Variants in LUZP2 observed in about 807,000 individuals in gnomAD.
The protein encoded by LUZP2 is leucine zipper protein 2.
In LUZP2, 52 loss-of-function variants were observed where a neutral mutation model predicts 51.6. The observed-to-expected ratio is 1.01, with a 90% CI of 0.81 to 1.27. LUZP2 has a LOEUF of 1.27. Among genes scored for constraint, LUZP2 ranks in the 50% most tolerant of loss-of-function variants. LUZP2 has a pLI of 0.00. For synonymous variants in LUZP2, 154 were observed against 137.3 expected (o/e 1.12, Z -0.85); for missense variants, 436 against 395.4 (o/e 1.10, Z -0.87).
chr11:24,685,025 CTGTG>C (rs5741709), intron 1 of LUZP2, among the ~76,000 whole-genome samples: 47,223 of 147,490 alleles, frequency 0.32, 7,670 homozygotes, highest in African/African-American at 0.41. Flanking sequence ...GTATTTTGCT[CTGTG>C]TGTGTGTGTG....
At chr11:24,503,835 GA>G (rs1247459411) in intron 1 of LUZP2, among the ~76,000 whole-genome samples, 20 of 152,086 alleles carry the variant, frequency 1.3e-4, no homozygotes, top group African/African-American at 4.3e-4. Flanking sequence ...TACCTATGAA[GA>G]ATCCAGAACT....
At chr11:24,941,661 G>A (rs753670694) in intron 7 of LUZP2, among the ~76,000 whole-genome samples, 5 of 152,072 alleles carry the variant, frequency 3.3e-5, no homozygotes, top group Non-Finnish European at 7.4e-5. Context: ...GTACTCTTAT[G>A]TTTTCATAGT....
chr11:24,851,004 C>T (rs1851378003), intron 5 of LUZP2, among the ~76,000 whole-genome samples: 1 of 152,122 alleles, frequency 6.6e-6, no homozygotes, highest in African/African-American at 2.4e-5. Context: ...AACTTAAGGA[C>T]ATTTTGGACT....
Position 24,642,911 on chromosome 11 carries a change from T to C in LUZP2, c.63-86258T>C, listed in dbSNP as rs189319024. Among the ~76,000 whole-genome samples the C allele has an allele frequency of 7.9e-5, 12 of 152,118 alleles. No homozygotes were observed. The East Asian group carries it at 1.7e-3, about 22-fold the overall frequency. On this transcript the variant is annotated intron_variant, in intron 1 of 11. Coordinates refer to ENST00000336930, the MANE Select transcript of LUZP2 (RefSeq NM_001009909.4). ...AGCTCAGGATGATCTGAGTGGGAGA[T>C]TGTTGCTAAACTGAATTAGCAGGAT...
At chr11:24,734,361 C>A (rs1025351634) in intron 3 of LUZP2, among the ~76,000 whole-genome samples, 4 of 68,736 alleles carry the variant, frequency 5.8e-5, no homozygotes, top group African/African-American at 2.6e-4. Context: ...AAAAACAACA[C>A]AAAAATCAGG....
At chr11:24,850,790 T>C (rs113350183) in intron 5 of LUZP2, among the ~76,000 whole-genome samples, 15 of 152,306 alleles carry the variant, frequency 9.8e-5, no homozygotes, top group African/African-American at 3.4e-4. Flanking sequence ...TCCTCTCTGA[T>C]TTCCTTGAGC....
At chr11:25,050,726 G>A (rs1320055466) in intron 10 of LUZP2, among the ~76,000 whole-genome samples, 2 of 152,026 alleles carry the variant, frequency 1.3e-5, no homozygotes, top group African/African-American at 2.4e-5. Context: ...TAAGCAAGGT[G>A]CTCATTCCCA....
At chr11:24,973,681 C>T (rs985474145) in intron 7 of LUZP2, among the ~76,000 whole-genome samples, 1 of 151,914 alleles carries the variant, frequency 6.6e-6, no homozygotes, top group African/African-American at 2.4e-5. Flanking sequence ...GTCTTAATTT[C>T]ATTATTTAGC....
rs1201286118 is a variant in LUZP2, at chr11:25,080,413, C to A, written c.*1755C>A. On this transcript the variant is annotated 3_prime_UTR_variant, in exon 12 of 12. Transcript: ENST00000336930. ...TTACAATGTTTTCAACCTTTGACTT[C>A]TTTATCTGTATGTAATCCTATTGTT... 4 of 152,004 alleles carry A rather than the reference C, an allele frequency of 2.6e-5. No individual in the cohort carries two copies. The highest frequency in any genetic ancestry group is 4.4e-5 in the Non-Finnish European group (3 of 67,996). The allele number at this position is 152,004 out of a possible 1,614,324, so 9.4% of individuals were successfully genotyped here. A position where few individuals can be genotyped will look rare whatever the true frequency, so the allele number is the denominator to read the frequency against.
chr11:24,589,348 T>C (rs1853183050), intron 1 of LUZP2, among the ~76,000 whole-genome samples: 2 of 152,174 alleles, frequency 1.3e-5, no homozygotes, highest in South Asian at 4.1e-4. Flanking sequence ...ATAAGTGATA[T>C]GATGTGTAGA....
At chr11:24,760,576 G>C (rs770172356) in intron 4 of LUZP2, among the ~76,000 whole-genome samples, 8 of 152,144 alleles carry the variant, frequency 5.3e-5, no homozygotes, top group Non-Finnish European at 1.0e-4. Flanking sequence ...TCTGTATTAT[G>C]TGTTCTTTTG....
intron 1 of LUZP2, among the ~76,000 whole-genome samples, chr11:24,591,131 T>C (rs1244185712): frequency 1.3e-5 from 2 of 152,080 alleles, no homozygotes; most frequent in Non-Finnish European, 2.9e-5. Flanking sequence ...AATAATAAAA[T>C]GTTTTTAAAA....
intron 1 of LUZP2, among the ~76,000 whole-genome samples, chr11:24,626,844 G>GA (rs1854702053): frequency 6.6e-6 from 1 of 151,978 alleles, no homozygotes; most frequent in Non-Finnish European, 1.5e-5. Flanking sequence ...TATAATGGCT[G>GA]AAAAAAATCA....
Position 25,062,587 on chromosome 11 carries a change from CAAAAA to C in LUZP2, c.858+12479_858+12483del, listed in dbSNP as rs1163708322. On this transcript the variant is annotated intron_variant, in intron 10 of 11. Coordinates refer to ENST00000336930, the MANE Select transcript of LUZP2 (RefSeq NM_001009909.4). ...CCTATGTGACAGAGCAAGACCCTGT[CAAAAA>C]AAAAAAAAAAAAAAAAAAAAAGAAA... Among the ~76,000 whole-genome samples the C allele has an allele frequency of 0.014, 590 of 43,048 alleles. 10 individuals carry two copies. In the East Asian group the frequency reaches 0.21, roughly 15 times the overall value. The allele number at this position is 43,048 out of a possible 152,430, so 28.2% of individuals were successfully genotyped here. A position where few individuals can be genotyped will look rare whatever the true frequency, so the allele number is the denominator to read the frequency against.
At chr11:24,922,778 A>G (rs7943243) in intron 7 of LUZP2, among the ~76,000 whole-genome samples, 12,334 of 142,818 alleles carry the variant, frequency 0.086, 1,684 homozygotes, top group African/African-American at 0.29. Context: ...CAGAGAAGTT[A>G]TAAGAGTTTT....
At chr11:24,778,541 A>G (rs377387620) in intron 5 of LUZP2, among the ~76,000 whole-genome samples, 4 of 152,328 alleles carry the variant, frequency 2.6e-5, no homozygotes, top group African/African-American at 4.8e-5. Context: ...AGATTTTTAC[A>G]TAAGGGGCTG....
intron 7 of LUZP2, among the ~76,000 whole-genome samples, chr11:24,915,238 A>G (rs1321072728): frequency 2.6e-5 from 4 of 152,126 alleles, no homozygotes; most frequent in Non-Finnish European, 4.4e-5. Flanking sequence ...AAGCATGACA[A>G]TGTTATGATT....
rs149076728 is a variant in LUZP2 at position 24,990,063 on chromosome 11, G to A, written c.765+6770G>A. ...TCTGATATTCGTCCATCAATATATG[G>A]GGTCTATGCCCCCTTTCTTACAATC... is the stretch of plus-strand genomic sequence containing the variant. On this transcript the variant is annotated intron_variant, in intron 9 of 11. Transcript: ENST00000336930. 2.6e-5 allele frequency among the ~76,000 whole-genome samples: 4 copies of A among 152,046 alleles called. No individual in the cohort carries two copies. In the East Asian group the frequency reaches 5.8e-4, roughly 22 times the overall value.
intron 5 of LUZP2, among the ~76,000 whole-genome samples, chr11:24,854,441 C>G (rs371241283): frequency 6.6e-6 from 1 of 152,188 alleles, no homozygotes; most frequent in Non-Finnish European, 1.5e-5. Context: ...ACCACCTACT[C>G]AAGCTTCAGT....
Sources: gnomAD v4.1 joint callset for allele counts (sites outside exome capture counted in the v4.1 genomes callset) on GRCh38, gnomAD v4.1.1 for gene constraint, MANE v1.5 for transcripts, NCBI Gene and HGNC (gene_info 2026-07-23, HGNC 2026-07-21) for gene names.